The following PPP1R9A variants were observed in gnomAD, a reference collection of about 807,000 sequenced individuals.
The protein encoded by PPP1R9A is neurabin-1.
PPP1R9A carries 59 observed loss-of-function variants against 141.9 expected under a neutral mutation model. That is an observed-to-expected ratio of 0.42 (90% CI 0.34 to 0.52). The LOEUF (loss-of-function observed/expected upper bound fraction) is 0.52. Ranked by LOEUF, PPP1R9A falls within the 20% of genes least tolerant of loss-of-function variation. The probability of loss-of-function intolerance (pLI) is 0.10; values close to 1 mark genes in which losing one functional copy is unlikely to be tolerated. For missense variants in PPP1R9A, 1,444 were observed against 1,611.9 expected, an observed-to-expected ratio of 0.90 and a Z score of 1.78; for synonymous variants, 500 against 569.7, an observed-to-expected ratio of 0.88 and a Z score of 1.74.
intron 16 of PPP1R9A, among the ~76,000 whole-genome samples, chr7:95,274,397 A>C (rs1285400890): frequency 6.6e-6 from 1 of 152,230 alleles, no homozygotes; most frequent in Admixed American, 6.5e-5. Context: ...TTATGGCCAC[A>C]TGAACCATTT....
chr7:95,035,379 A>G (rs1001250923), intron 2 of PPP1R9A, among the ~76,000 whole-genome samples: 3 of 152,092 alleles, frequency 2.0e-5, no homozygotes, highest in Non-Finnish European at 2.9e-5. Context: ...ATAGAGCCCA[A>G]TTTTTTAGCA....
intron 7 of PPP1R9A, among the ~76,000 whole-genome samples, chr7:95,213,907 T>C (rs967933112): frequency 6.6e-6 from 1 of 152,180 alleles, no homozygotes; most frequent in South Asian, 2.1e-4. Context: ...CAAGGAACAC[T>C]TCCTACTTTC....
chr7:95,034,187 T>C (rs1400346629), intron 2 of PPP1R9A, among the ~76,000 whole-genome samples: 2 of 152,244 alleles, frequency 1.3e-5, no homozygotes, highest in East Asian at 3.9e-4. Context: ...TCAATAACAT[T>C]TTATGAAGTT....
intron 4 of PPP1R9A, among the ~76,000 whole-genome samples, chr7:95,152,241 C>CGCCTG (rs1828835176): frequency 6.6e-6 from 1 of 152,022 alleles, no homozygotes; most frequent in African/African-American, 2.4e-5. Flanking sequence ...TGAGCCACTG[C>CGCCTG]GCCTGGCCTG....
chr7:95,251,742 A>G lies in PPP1R9A; in HGVS notation c.2397-20A>G. On this transcript the variant is annotated intron_variant, in intron 10 of 19. Coordinates refer to ENST00000433360, the MANE Select transcript of PPP1R9A (RefSeq NM_001166160.2). ...TTATTGAGTGTATGATATAATCAGA[A>G]CTATTATTTTCTTCTTAAGAGAGCT... The G allele has an allele frequency of 6.3e-7, 1 of 1,594,286 alleles. No individual in the cohort carries two copies. The highest frequency in any genetic ancestry group is 1.3e-5 in the African/African-American group (1 of 74,232).
chr7:95,274,358 G>A (rs1802776502), intron 16 of PPP1R9A, among the ~76,000 whole-genome samples, 190 bp downstream of exon 16: 1 of 152,022 alleles, frequency 6.6e-6, no homozygotes, highest in Non-Finnish European at 1.5e-5. Context: ...TCTAGCCTTG[G>A]GCATATCCAT....
intron 5 of PPP1R9A, among the ~76,000 whole-genome samples, chr7:95,170,608 A>G (rs1005969409): frequency 7.9e-5 from 12 of 151,520 alleles, no homozygotes; most frequent in African/African-American, 2.7e-4. Context: ...TGAAAGAAAA[A>G]TTGGAATTTT....
chr7:95,193,938 CT>C (rs1227504488), intron 5 of PPP1R9A, among the ~76,000 whole-genome samples: 1 of 152,006 alleles, frequency 6.6e-6, no homozygotes, highest in Non-Finnish European at 1.5e-5. Context: ...CAACAACATT[CT>C]TGAATAAGTT....
At chr7:94,923,278 C>A (rs985929951) in intron 2 of PPP1R9A, among the ~76,000 whole-genome samples, 6 of 152,090 alleles carry the variant, frequency 3.9e-5, no homozygotes, top group Non-Finnish European at 5.9e-5. Flanking sequence ...CTTTCAAACA[C>A]TGGGTATAAT....
At chr7:95,099,323 C>T (rs535332425) in intron 2 of PPP1R9A, among the ~76,000 whole-genome samples, 3 of 152,254 alleles carry the variant, frequency 2.0e-5, no homozygotes, top group African/African-American at 7.2e-5. Flanking sequence ...GACACCTGTC[C>T]AGTGGAAACT....
chr7:95,272,827 A>G (rs1802418738), intron 14 of PPP1R9A, among the ~76,000 whole-genome samples: 1 of 152,234 alleles, frequency 6.6e-6, no homozygotes, highest in Non-Finnish European at 1.5e-5. Context: ...TTTGCCTTCC[A>G]TACTAGAAAG....
At chr7:95,127,393 T>C (rs1049745282) in intron 4 of PPP1R9A, among the ~76,000 whole-genome samples, 1 of 152,178 alleles carries the variant, frequency 6.6e-6, no homozygotes, top group Non-Finnish European at 1.5e-5. Context: ...CTTTTTCACA[T>C]TGATCTCTGA....
At chr7:95,133,518 TATATA>T (rs1825055275) in intron 4 of PPP1R9A, among the ~76,000 whole-genome samples, 3 of 87,860 alleles carry the variant, frequency 3.4e-5, no homozygotes, top group Admixed American at 1.2e-4. Context: ...TCGTATTATA[TATATA>T]TATATATATA....
intron 2 of PPP1R9A, among the ~76,000 whole-genome samples, chr7:94,971,422 A>T (rs1281799288): frequency 2.6e-5 from 4 of 152,170 alleles, no homozygotes; most frequent in Admixed American, 6.5e-5. Context: ...TTTTTTCTTT[A>T]TTACCCATGG....
intron 2 of PPP1R9A, among the ~76,000 whole-genome samples, chr7:95,067,417 G>A (rs1813098986): frequency 6.6e-6 from 1 of 152,148 alleles, no homozygotes; most frequent in Non-Finnish European, 1.5e-5. Flanking sequence ...TATCTGAGGC[G>A]ATACACTGGC....
chr7:95,056,008 G>T (rs541673646), intron 2 of PPP1R9A, among the ~76,000 whole-genome samples: 1 of 152,180 alleles, frequency 6.6e-6, no homozygotes, highest in Non-Finnish European at 1.5e-5. Flanking sequence ...TTATTTAACT[G>T]TTGTATATAA....
intron 2 of PPP1R9A, among the ~76,000 whole-genome samples, chr7:95,048,400 A>G (rs781005642): frequency 2.0e-5 from 3 of 152,234 alleles, no homozygotes; most frequent in Non-Finnish European, 4.4e-5. Flanking sequence ...TGATGAGTAC[A>G]ATAATAGAAA....
chr7:95,255,041 A>G (rs995650208), intron 12 of PPP1R9A, among the ~76,000 whole-genome samples: 2 of 152,136 alleles, frequency 1.3e-5, no homozygotes, highest in Non-Finnish European at 1.5e-5. Context: ...ACCAAGAGCC[A>G]TAACAGACCC....
intron 2 of PPP1R9A, among the ~76,000 whole-genome samples, chr7:94,912,322 A>G (rs774039662): frequency 1.8e-4 from 28 of 152,206 alleles, no homozygotes; most frequent in Non-Finnish European, 3.4e-4. Context: ...TTATTAGTGG[A>G]TAATGGCAAT....
Sources: gnomAD v4.1 joint callset for allele counts (sites outside exome capture counted in the v4.1 genomes callset) on GRCh38, gnomAD v4.1.1 for gene constraint, MANE v1.5 for transcripts, NCBI Gene and HGNC (gene_info 2026-07-23, HGNC 2026-07-21) for gene names.